The following NMNAT3 variants were observed in gnomAD, a reference collection of about 807,000 sequenced individuals.
The protein encoded by NMNAT3 is nicotinamide nucleotide adenylyltransferase 3, also known as nicotinamide/nicotinic acid mononucleotide adenylyltransferase 3.
NMNAT3 carries 21 observed loss-of-function variants against 24.8 expected under a neutral mutation model. The ratio of observed to expected loss-of-function variants is 0.85; its 90% CI spans 0.60 to 1.22. NMNAT3 has a LOEUF of 1.22. NMNAT3 is among the 50% of genes most tolerant of loss of function. The pLI is 0.00. For missense variants in NMNAT3, 387 were observed against 436.6 expected, an observed-to-expected ratio of 0.89 and a Z score of 1.01; for synonymous variants, 136 against 155.2, an observed-to-expected ratio of 0.88 and a Z score of 0.92.
At chr3:139,576,095 A>G (rs1939265045) in intron 5 of NMNAT3, 1 of 1,270,928 alleles carries the variant, frequency 7.9e-7, no homozygotes, top group African/African-American at 1.5e-5. Context: ...TTTACATCAT[A>G]GAGATGTTTG....
At chr3:139,673,970 G>A (rs759615214) in intron 1 of NMNAT3, among the ~76,000 whole-genome samples, 2 of 152,104 alleles carry the variant, frequency 1.3e-5, no homozygotes, top group Non-Finnish European at 1.5e-5. Context: ...ATTCAGGAAG[G>A]CTTCCCTGCA....
intron 1 of NMNAT3, among the ~76,000 whole-genome samples, chr3:139,667,076 T>G (rs2057606081): frequency 6.6e-6 from 1 of 152,250 alleles, no homozygotes; most frequent in Non-Finnish European, 1.5e-5. Context: ...TGCAGATATC[T>G]CCTCAATATG....
At chr3:139,633,449 G>A (rs1478479679) in intron 2 of NMNAT3, among the ~76,000 whole-genome samples, 2 of 152,144 alleles carry the variant, frequency 1.3e-5, no homozygotes, top group Non-Finnish European at 2.9e-5. Flanking sequence ...CAAAGTGCTG[G>A]GATTACAGGC....
intron 3 of NMNAT3, among the ~76,000 whole-genome samples, chr3:139,619,800 G>T (rs1036109302): frequency 1.3e-5 from 2 of 152,094 alleles, no homozygotes; most frequent in East Asian, 1.9e-4. Context: ...TAACTTTAAC[G>T]TTATTCTGCT....
chr3:139,610,362 T>G (rs2108253104), intron 3 of NMNAT3, among the ~76,000 whole-genome samples: 1 of 152,328 alleles, frequency 6.6e-6, no homozygotes, highest in East Asian at 1.9e-4. Context: ...AAATGCTGTT[T>G]GTTATTAAAT....
intron 1 of NMNAT3, among the ~76,000 whole-genome samples, chr3:139,645,141 G>T (rs2056829978): frequency 6.6e-6 from 1 of 152,162 alleles, no homozygotes; most frequent in Non-Finnish European, 1.5e-5. Flanking sequence ...GGCAGAGTTT[G>T]CAGTGAGCTG....
intron 3 of NMNAT3, among the ~76,000 whole-genome samples, chr3:139,591,277 G>C (rs1244273721): frequency 6.6e-6 from 1 of 151,822 alleles, no homozygotes; most frequent in East Asian, 1.9e-4. Context: ...AAGAAACGGC[G>C]CACGACGAGA....
chr3:139,646,789 G>A (rs1476923523), intron 1 of NMNAT3, among the ~76,000 whole-genome samples: 1 of 152,232 alleles, frequency 6.6e-6, no homozygotes. Context: ...CATGGCAAGG[G>A]GAGGGCCAAG....
intron 6 of NMNAT3, chr3:139,569,949 G>A (rs1386011139): frequency 6.6e-6 from 1 of 152,270 alleles, no homozygotes; most frequent in Admixed American, 6.5e-5. Context: ...TTCCAAGTTG[G>A]TTCCATTCTC....
chr3:139,581,369 CT>C (rs34310912), intron 4 of NMNAT3, among the ~76,000 whole-genome samples: 14,144 of 143,376 alleles, frequency 0.099, 820 homozygotes, highest in East Asian at 0.22. Context: ...AGGAGAACAT[CT>C]TTTTTTTTTT....
At chr3:139,657,726 G>A (rs2057291564) in intron 1 of NMNAT3, among the ~76,000 whole-genome samples, 1 of 151,908 alleles carries the variant, frequency 6.6e-6, no homozygotes, top group African/African-American at 2.4e-5. Context: ...TGTTGTGGAA[G>A]TCATGTTGTG....
chr3:139,601,421 C>T (rs1389161345), intron 3 of NMNAT3, among the ~76,000 whole-genome samples: 2 of 152,144 alleles, frequency 1.3e-5, no homozygotes, highest in Non-Finnish European at 2.9e-5. Context: ...CCACACACTT[C>T]GGAGGCATGG....
rs1936386392 is a variant in NMNAT3 at position 139,561,537 on chromosome 3, A to G, written c.659-145T>C. On this transcript the variant is annotated intron_variant, in intron 6 of 6. Transcript: ENST00000643695. Reference sequence around the variant, plus strand: ...TGTTCATGACTTGAAAAGAAAAAGCATGTAAATGAATCTGCAGCCATTTCA... The same window carrying G: ...TGTTCATGACTTGAAAAGAAAAAGCGTGTAAATGAATCTGCAGCCATTTCA... 3 of 724,668 alleles carry G rather than the reference A, an allele frequency of 4.1e-6. No individual in the cohort carries two copies. In the East Asian group the frequency reaches 7.8e-5, roughly 19 times the overall value. 44.9% of individuals were successfully genotyped at this position (724,668 alleles called of 1,614,324 possible).
chr3:139,596,945 TATATATATATATATATA>T (rs1559891032), intron 3 of NMNAT3, among the ~76,000 whole-genome samples: 3 of 129,778 alleles, frequency 2.3e-5, no homozygotes, highest in African/African-American at 3.2e-5. Flanking sequence ...TATATATATA[TATATATATATATATATA>T]TATTTTTATT....
chr3:139,656,107 C>T, intron 1 of NMNAT3, among the ~76,000 whole-genome samples: 1 of 152,194 alleles, frequency 6.6e-6, no homozygotes, highest in Non-Finnish European at 1.5e-5. Context: ...TGTCTGGCTG[C>T]CTTTCTGCCC....
At chr3:139,621,710 T>C (rs1300418569) in intron 3 of NMNAT3, among the ~76,000 whole-genome samples, 1 of 152,140 alleles carries the variant, frequency 6.6e-6, no homozygotes, top group African/African-American at 2.4e-5. Flanking sequence ...GTTTGTACCT[T>C]TTAACCTAGT....
chr3:139,644,791 C>T (rs951938572), intron 1 of NMNAT3, among the ~76,000 whole-genome samples: 2 of 152,120 alleles, frequency 1.3e-5, no homozygotes, highest in Admixed American at 1.3e-4. Flanking sequence ...CATACGTGGT[C>T]ATAATAATGT....
intron 2 of NMNAT3, among the ~76,000 whole-genome samples, chr3:139,631,400 C>T (rs1015250980): frequency 3.9e-5 from 6 of 152,106 alleles, no homozygotes; most frequent in South Asian, 4.2e-4. Flanking sequence ...TCATCAGACA[C>T]AAGGCAAGAT....
intron 1 of NMNAT3, among the ~76,000 whole-genome samples, chr3:139,670,246 C>G (rs937969259): frequency 6.6e-6 from 1 of 152,178 alleles, no homozygotes; most frequent in Non-Finnish European, 1.5e-5. Flanking sequence ...CCCTGAGCCC[C>G]AGGCCTCATC....
Sources: gnomAD v4.1 joint callset for allele counts (sites outside exome capture counted in the v4.1 genomes callset) on GRCh38, gnomAD v4.1.1 for gene constraint, MANE v1.5 for transcripts, NCBI Gene and HGNC (gene_info 2026-07-23, HGNC 2026-07-21) for gene names.